Variants in MLIP observed in about 807,000 individuals in gnomAD.
MLIP encodes the protein muscular LMNA-interacting protein.
In MLIP, 79 loss-of-function variants were observed where a neutral mutation model predicts 84.8. The ratio of observed to expected loss-of-function variants is 0.93; its 90% confidence interval spans 0.78 to 1.12. The LOEUF (loss-of-function observed/expected upper bound fraction) is 1.12. Among genes scored for constraint, MLIP ranks in the 50% most tolerant of loss-of-function variants. The pLI is 0.00. For synonymous variants in MLIP, 504 were observed against 463.0 expected (o/e 1.09, Z -1.14); for missense variants, 1,257 against 1,160.6 (o/e 1.08, Z -1.21).
chr6:54,086,290 A>T (rs528214450), intron 1 of MLIP, among the ~76,000 whole-genome samples: 1 of 152,114 alleles, frequency 6.6e-6, no homozygotes, highest in Non-Finnish European at 1.5e-5. Context: ...CTAACTCCAT[A>T]CTCAGCATAT....
At position 54,266,062 on chromosome 6, in the gene MLIP, C is replaced by G. The variant is rs1783667058; in HGVS notation, c.*107C>G. The G allele has an allele frequency of 1.8e-6, 2 of 1,121,864 alleles. No individual in the cohort carries two copies. The highest frequency in any genetic ancestry group is 2.7e-5 in the South Asian group (2 of 73,250). 69.5% of individuals were successfully genotyped at this position (1,121,864 alleles called of 1,614,324 possible). A position where few individuals can be genotyped will look rare whatever the true frequency, so the allele number is the denominator to read the frequency against. On this transcript the variant is annotated 3_prime_UTR_variant, in exon 14 of 14. Coordinates refer to ENST00000502396, the MANE Select transcript of MLIP (RefSeq NM_001281747.2). ...TTTTTTTTTCCAGAATGAGTGCTCCCTTTATGAGCTGCAGTGCAGCAGAAC... is the reference window on the plus strand; with the variant it reads ...TTTTTTTTTCCAGAATGAGTGCTCCGTTTATGAGCTGCAGTGCAGCAGAAC...
intron 10 of MLIP, among the ~76,000 whole-genome samples, chr6:54,193,563 A>G (rs1321355920): frequency 6.6e-6 from 1 of 152,164 alleles, no homozygotes; most frequent in Non-Finnish European, 1.5e-5. Context: ...TAATTCAAGG[A>G]AAATAAGAAA....
intron 12 of MLIP, among the ~76,000 whole-genome samples, chr6:54,249,985 C>G (rs79908470): frequency 0.013 from 2,016 of 151,942 alleles, 45 homozygotes; most frequent in African/African-American, 0.046. Context: ...GTGTCTGTTC[C>G]CTTTTATGTG....
intron 1 of MLIP, among the ~76,000 whole-genome samples, chr6:54,066,154 A>G (rs1582064541): frequency 2.0e-5 from 2 of 99,412 alleles, no homozygotes; most frequent in African/African-American, 5.1e-5. Flanking sequence ...ATGTCTGTTC[A>G]TTAAAAAAAT....
intron 13 of MLIP, among the ~76,000 whole-genome samples, chr6:54,265,708 G>A (rs1783647942): frequency 6.6e-6 from 1 of 152,052 alleles, no homozygotes; most frequent in South Asian, 2.1e-4. Context: ...GGCCAGAACT[G>A]CTCTGCTGAA....
intron 11 of MLIP, chr6:54,215,686 A>G (rs1416198258): frequency 2.0e-5 from 3 of 153,714 alleles, no homozygotes; most frequent in African/African-American, 7.2e-5. Flanking sequence ...TATTAACTGT[A>G]GTCACCATGC....
chr6:54,255,814 C>T (rs566639600), intron 12 of MLIP, among the ~76,000 whole-genome samples: 2 of 152,144 alleles, frequency 1.3e-5, no homozygotes, highest in East Asian at 3.9e-4. Context: ...TTCTTCTTTT[C>T]TGTTTTAGGA....
intron 9 of MLIP, among the ~76,000 whole-genome samples, chr6:54,171,555 A>T (rs931529418): frequency 6.6e-6 from 1 of 151,698 alleles, no homozygotes; most frequent in South Asian, 2.1e-4. Flanking sequence ...GGCTGTAGTT[A>T]TTACAATTTA....
intron 1 of MLIP, chr6:54,029,294 G>C (rs1763993091): frequency 6.6e-6 from 1 of 152,254 alleles, no homozygotes; most frequent in Admixed American, 6.5e-5. Flanking sequence ...GCTTTTAAGA[G>C]GTGATGAAGC....
At chr6:54,161,549 G>GATTTTTTTGGTCAGCCTT (rs1774641909) in intron 8 of MLIP, among the ~76,000 whole-genome samples, 1 of 151,710 alleles carries the variant, frequency 6.6e-6, no homozygotes, top group East Asian at 1.9e-4. Flanking sequence ...ATTAGCTACT[G>GATTTTTTTGGTCAGCCTT]ATTTTTTTGG....
At chr6:54,185,487 G>C (rs1777299619) in intron 9 of MLIP, among the ~76,000 whole-genome samples, 1 of 152,048 alleles carries the variant, frequency 6.6e-6, no homozygotes, top group African/African-American at 2.4e-5. Flanking sequence ...ATAGAGATTG[G>C]ATAAAAAGAT....
chr6:54,121,414 G>A (rs778552215), intron 1 of MLIP, 33 bp from the exon 2 acceptor site: 3 of 1,608,136 alleles, frequency 1.9e-6, no homozygotes, highest in African/African-American at 2.7e-5. Context: ...CCTTTGACAA[G>A]GCTGAAAGTC....
At chr6:54,043,610 A>G (rs188668411) in intron 1 of MLIP, among the ~76,000 whole-genome samples, 8 of 152,294 alleles carry the variant, frequency 5.3e-5, no homozygotes, top group Admixed American at 5.2e-4. Flanking sequence ...AGCCAGAGGA[A>G]TCAGCCTGCT....
intron 3 of MLIP, among the ~76,000 whole-genome samples, chr6:54,127,447 T>C (rs1771016580): frequency 6.6e-6 from 1 of 152,174 alleles, no homozygotes; most frequent in Non-Finnish European, 1.5e-5. Flanking sequence ...AACTGTGAAG[T>C]CCTTGCTCAG....
chr6:54,239,124 A>C (rs115204210), intron 12 of MLIP, among the ~76,000 whole-genome samples: 1 of 151,928 alleles, frequency 6.6e-6, no homozygotes, highest in Non-Finnish European at 1.5e-5. Context: ...GTCTCTTAAA[A>C]AATCTCTACC....
chr6:54,176,524 T>G (rs1277879801), intron 9 of MLIP, among the ~76,000 whole-genome samples: 1 of 151,978 alleles, frequency 6.6e-6, no homozygotes, highest in Non-Finnish European at 1.5e-5. Context: ...CATATTGGCA[T>G]ATAGTTGCTC....
At chr6:54,181,580 A>G (rs1023362447) in intron 9 of MLIP, among the ~76,000 whole-genome samples, 1 of 152,204 alleles carries the variant, frequency 6.6e-6, no homozygotes, top group Non-Finnish European at 1.5e-5. Context: ...TTTCTCAGAC[A>G]GAAGGAGTCT....
At chr6:54,110,682 C>T (rs1769387468), upstream of MLIP, among the ~76,000 whole-genome samples, 1 of 152,190 alleles carries the variant, frequency 6.6e-6, no homozygotes, top group African/African-American at 2.4e-5. Flanking sequence ...GGATACAACA[C>T]TTTTCACTGC....
At chr6:54,110,303 T>C (rs954713378), upstream of MLIP, among the ~76,000 whole-genome samples, 8 of 152,120 alleles carry the variant, frequency 5.3e-5, no homozygotes, top group Admixed American at 4.6e-4. Context: ...TTTTTCTTGT[T>C]TTCTTTTTTC....
Sources: allele counts gnomAD v4.1 joint callset (sites outside exome capture counted in the v4.1 genomes callset), GRCh38; gene constraint gnomAD v4.1.1; transcripts MANE v1.5; gene names NCBI Gene and HGNC (gene_info 2026-07-23, HGNC 2026-07-21).